Variants in PKHD1 observed in about 807,000 individuals in gnomAD.
PKHD1 encodes fibrocystin.
PKHD1 carries 291 observed loss-of-function variants against 412.0 expected under a neutral mutation model. The ratio of observed to expected loss-of-function variants is 0.71; its 90% CI spans 0.64 to 0.78. The LOEUF (loss-of-function observed/expected upper bound fraction) is 0.78. Ranked by LOEUF, PKHD1 falls within the 30% of genes least tolerant of loss-of-function variation. The pLI is 0.00. For synonymous variants in PKHD1, 1,777 were observed against 1,821.5 expected, an observed-to-expected ratio of 0.98 and a Z score of 0.62; for missense variants, 4,825 against 4,950.7, an observed-to-expected ratio of 0.97 and a Z score of 0.76.
chr6:52,062,408 C>T, intron 14 of PKHD1, 111 bp downstream of exon 14: 1 of 1,106,322 alleles, frequency 9.0e-7, no homozygotes, highest in Non-Finnish European at 1.4e-6. Flanking sequence ...GTTGAATTGG[C>T]TAGTGTTATA....
At chr6:51,862,010 G>A (rs563160765) in intron 48 of PKHD1, among the ~76,000 whole-genome samples, 25 of 152,164 alleles carry the variant, frequency 1.6e-4, no homozygotes, top group Non-Finnish European at 3.1e-4. Flanking sequence ...GTAGACAGGT[G>A]GACAACTGCT....
In PKHD1 at chr6:52,002,598, C is replaced by T. The variant is rs538687035; in HGVS notation, c.5751+7711G>A. On this transcript the variant is annotated intron_variant, in intron 35 of 66. Transcript: ENST00000371117. ...TCCCTAATCTAATAACTAGCTCAAC[C>T]CTGCTTTCTGCAGCACTTCTCTCTG... Among the ~76,000 whole-genome samples the T allele has an allele frequency of 2.0e-4, 31 of 152,166 alleles. 1 individual carries two copies. The highest frequency in any genetic ancestry group is 6.7e-4 in the African/African-American group (28 of 41,492).
Position 51,619,328 on chromosome 6 carries a change from A to C in PKHD1, c.11978T>G (p.Leu3993Arg), listed in dbSNP as rs200309241. ...CTCCTTCCAGTTCCCAGTCTCTTGC[A>C]GGTACACCTGCTGAGCAGGAGCACC... ...APGAPAQQVYLQETGNWKEGQ... is the reference protein window; with the variant it reads ...APGAPAQQVYRQETGNWKEGQ... The change falls in exon 67 of 67, where the codon CTG (leucine) becomes CGG (arginine). Residue 3993 changes from leucine (L) to arginine (R), a missense_variant. Leu to Arg is a moderately radical substitution (Grantham distance 102). Coordinates refer to ENST00000371117, the MANE Select transcript of PKHD1 (RefSeq NM_138694.4). 6.2e-7 allele frequency: 1 copy of C among 1,614,258 alleles called. No individual in the cohort carries two copies. Among genetic ancestry groups the C allele is most frequent in the Admixed American group, 1.7e-5 (1 of 60,032 alleles).
chr6:51,984,912 A>G (rs900216021), intron 35 of PKHD1, among the ~76,000 whole-genome samples: 6 of 152,228 alleles, frequency 3.9e-5, no homozygotes, highest in Admixed American at 3.9e-4. Context: ...TGCTAAATCA[A>G]TGAAGACAAT....
At chr6:51,816,830 A>T (rs1765536975) in intron 52 of PKHD1, among the ~76,000 whole-genome samples, 1 of 152,196 alleles carries the variant, frequency 6.6e-6, no homozygotes, top group Non-Finnish European at 1.5e-5. Context: ...GTGGCTCAGG[A>T]GGCTGCCCAA....
chr6:51,943,626 C>T (rs1022689760), intron 36 of PKHD1, among the ~76,000 whole-genome samples: 32 of 151,750 alleles, frequency 2.1e-4, no homozygotes, highest in Admixed American at 1.9e-3. Context: ...CCTCCTTAAG[C>T]ACTCTCTAGT....
intron 60 of PKHD1, chr6:51,721,416 TA>T (rs1781911779): frequency 1.8e-5 from 10 of 553,868 alleles, no homozygotes; most frequent in Non-Finnish European, 2.3e-5. Flanking sequence ...ATGCCAATAA[TA>T]ATAATATCTC....
intron 60 of PKHD1, among the ~76,000 whole-genome samples, chr6:51,730,016 TG>T (rs1179888115): frequency 4.6e-5 from 7 of 152,196 alleles, no homozygotes; most frequent in Non-Finnish European, 1.0e-4. Flanking sequence ...TTTGGCTTTT[TG>T]TATGTTTATT....
intron 60 of PKHD1, among the ~76,000 whole-genome samples, chr6:51,665,197 A>G (rs934955860): frequency 6.6e-6 from 1 of 152,160 alleles, no homozygotes; most frequent in Non-Finnish European, 1.5e-5. Context: ...AATTAGTTAT[A>G]TTTCAAGGCT....
chr6:51,936,765 CAG>C (rs1326320355), intron 36 of PKHD1, among the ~76,000 whole-genome samples: 4 of 134,092 alleles, frequency 3.0e-5, no homozygotes, highest in African/African-American at 1.2e-4. Flanking sequence ...AACATTAAAA[CAG>C]AGACATTAAG....
intron 43 of PKHD1, among the ~76,000 whole-genome samples, chr6:51,901,024 G>C (rs1418420191): frequency 1.3e-5 from 2 of 151,990 alleles, no homozygotes; most frequent in African/African-American, 4.8e-5. Context: ...AACAACAGGT[G>C]CTGGAGAGGA....
chr6:52,082,607 T>C, intron 3 of PKHD1, 65 bp from the exon 4 acceptor site: 1 of 1,513,744 alleles, frequency 6.6e-7, no homozygotes, highest in Non-Finnish European at 9.2e-7. Flanking sequence ...AGTGTGAAAC[T>C]GTGCTAAGAT....
chr6:52,058,771 C>CTCTATCTATCTATCTATCTA (rs56342114), intron 15 of PKHD1, among the ~76,000 whole-genome samples, 170 bp from the exon 16 acceptor site: 1 of 149,190 alleles, frequency 6.7e-6, no homozygotes, highest in South Asian at 2.2e-4. Flanking sequence ...TTCTCCAGCT[C>CTCTATCTATCTATCTATCTA]TCTATCTATC....
intron 53 of PKHD1, among the ~76,000 whole-genome samples, chr6:51,787,632 T>G (rs1793098957): frequency 6.6e-6 from 1 of 152,152 alleles, no homozygotes; most frequent in Non-Finnish European, 1.5e-5. Flanking sequence ...CCTTTAGGCC[T>G]GGAACACATG....
chr6:51,704,943 G>A (rs1294312816), intron 60 of PKHD1, among the ~76,000 whole-genome samples: 2 of 152,042 alleles, frequency 1.3e-5, no homozygotes, highest in Admixed American at 6.6e-5. Flanking sequence ...GGTATAGGTA[G>A]AAGAGGATTC....
chr6:51,639,366 T>G (rs1383491818), intron 63 of PKHD1, among the ~76,000 whole-genome samples: 2 of 152,070 alleles, frequency 1.3e-5, no homozygotes. Flanking sequence ...ATATTATTAT[T>G]AAATGTATAA....
Position 51,618,966 on chromosome 6 carries a change from T to A in PKHD1, c.*115A>T. On this transcript the variant is annotated 3_prime_UTR_variant, in exon 67 of 67. Coordinates refer to ENST00000371117, the MANE Select transcript of PKHD1 (RefSeq NM_138694.4). ...TTAAAGTTGAAAAAGGGATTCAGAGTCCACATTCTCTCTTCTTAGTTGTCC... is the reference window on the plus strand; with the variant it reads ...TTAAAGTTGAAAAAGGGATTCAGAGACCACATTCTCTCTTCTTAGTTGTCC... 2.1e-6 allele frequency: 2 copies of A among 948,194 alleles called. No homozygotes were observed. Among genetic ancestry groups the A allele is most frequent in the Admixed American group, 3.4e-5 (2 of 58,282 alleles). The allele number at this position is 948,194 out of a possible 1,614,324, so 58.7% of individuals were successfully genotyped here.
In PKHD1 at chr6:51,690,283, A is replaced by T. The variant is rs1483332720; in HGVS notation, c.10157-30314T>A. ...TGAGACTCCATCTCAAAAAAAAAAA[A>T]AAAAAAAAAAAAAAAAGAACTAGGG... On this transcript the variant is annotated intron_variant, in intron 60 of 66. Transcript: ENST00000371117. 2.4e-4 allele frequency among the ~76,000 whole-genome samples: 4 copies of T among 16,760 alleles called. No individual in the cohort carries two copies. The East Asian group carries it at 4.1e-3, about 17-fold the overall frequency. 11.0% of individuals were successfully genotyped at this position (16,760 alleles called of 152,430 possible).
intron 60 of PKHD1, chr6:51,720,951 T>C (rs1217702388): frequency 2.0e-6 from 2 of 978,210 alleles, no homozygotes; most frequent in Non-Finnish European, 2.4e-6. Context: ...AAATGTCACA[T>C]TGACTTTATG....
Sources: allele counts gnomAD v4.1 joint callset (sites outside exome capture counted in the v4.1 genomes callset), GRCh38; gene constraint gnomAD v4.1.1; transcripts MANE v1.5; gene names NCBI Gene and HGNC (gene_info 2026-07-23, HGNC 2026-07-21).